Variants in PLPPR5 observed in about 807,000 individuals in gnomAD.
PLPPR5 encodes phospholipid phosphatase related 5.
PLPPR5 carries 16 observed loss-of-function variants against 33.9 expected under a neutral mutation model. The observed-to-expected ratio is 0.47, with a 90% CI of 0.32 to 0.72. The LOEUF is 0.72. Ranked by LOEUF, PLPPR5 falls within the 30% of genes least tolerant of loss-of-function variation. PLPPR5 has a pLI of 0.03. For synonymous variants in PLPPR5, 163 were observed against 150.3 expected (o/e 1.08, Z -0.62); for missense variants, 301 against 406.7 (o/e 0.74, Z 2.23).
chr1:98,919,891 T>C (rs1269210314), intron 4 of PLPPR5, among the ~76,000 whole-genome samples: 2 of 152,202 alleles, frequency 1.3e-5, no homozygotes, highest in African/African-American at 2.4e-5. Context: ...TATAGAGCCT[T>C]ATAATGATCC....
chr1:98,947,819 A>C (rs1650612884), intron 3 of PLPPR5, among the ~76,000 whole-genome samples: 1 of 152,226 alleles, frequency 6.6e-6, no homozygotes, highest in Non-Finnish European at 1.5e-5. Flanking sequence ...CAGTTGTCAT[A>C]ATAATAGTAT....
chr1:98,933,959 G>A (rs1172657753), intron 3 of PLPPR5, among the ~76,000 whole-genome samples: 1 of 152,186 alleles, frequency 6.6e-6, no homozygotes, highest in Non-Finnish European at 1.5e-5. Flanking sequence ...AAGGAGAGGG[G>A]GTAGTGTCCT....
intron 3 of PLPPR5, among the ~76,000 whole-genome samples, chr1:98,945,748 T>C (rs1570721722): frequency 6.6e-6 from 1 of 152,198 alleles, no homozygotes; most frequent in Non-Finnish European, 1.5e-5. Flanking sequence ...CAGTAAATGG[T>C]AACTGGGACA....
chr1:98,990,973 AG>A (rs1239133680), intron 1 of PLPPR5: 1 of 152,206 alleles, frequency 6.6e-6, no homozygotes, highest in Admixed American at 6.6e-5. Context: ...AAAATACGCA[AG>A]ACAAATATGC....
At chr1:98,951,052 G>T (rs370655030) in intron 3 of PLPPR5, among the ~76,000 whole-genome samples, 2 of 152,140 alleles carry the variant, frequency 1.3e-5, no homozygotes, top group South Asian at 2.1e-4. Context: ...GAATATTTGG[G>T]GTCAGAGAGC....
chr1:98,939,230 TAAATC>T (rs943936097), intron 3 of PLPPR5, among the ~76,000 whole-genome samples: 12 of 151,974 alleles, frequency 7.9e-5, no homozygotes, highest in African/African-American at 2.9e-4. Flanking sequence ...AAATAAAAAA[TAAATC>T]AATAAAATAA....
At chr1:99,002,583 T>C (rs1448496707) in intron 1 of PLPPR5, among the ~76,000 whole-genome samples, 2 of 152,168 alleles carry the variant, frequency 1.3e-5, no homozygotes, top group African/African-American at 2.4e-5. Flanking sequence ...GACTATTCGG[T>C]ACCCAAAATA....
chr1:98,984,793 T>C (rs1652195282), intron 1 of PLPPR5, among the ~76,000 whole-genome samples: 1 of 151,984 alleles, frequency 6.6e-6, no homozygotes, highest in Admixed American at 6.6e-5. Flanking sequence ...TTTCCTTCTT[T>C]TTCAGAGGTA....
intron 1 of PLPPR5, among the ~76,000 whole-genome samples, chr1:98,974,190 A>G (rs1316984601): frequency 1.3e-5 from 2 of 152,030 alleles, no homozygotes; most frequent in African/African-American, 2.4e-5. Context: ...GCAAGTAGAG[A>G]AGAAAATTAT....
intron 3 of PLPPR5, among the ~76,000 whole-genome samples, chr1:98,948,841 A>G (rs1293477212): frequency 6.6e-6 from 1 of 152,190 alleles, no homozygotes; most frequent in Admixed American, 6.5e-5. Context: ...AGTCAACCCT[A>G]CGTATCCTGA....
chr1:98,926,586 A>G (rs1300643435), intron 3 of PLPPR5, among the ~76,000 whole-genome samples: 1 of 151,842 alleles, frequency 6.6e-6, no homozygotes, highest in African/African-American at 2.4e-5. Flanking sequence ...ATGCCTTATC[A>G]AGTTCCCCTT....
At chr1:98,902,834 A>G (rs1182490271) in intron 5 of PLPPR5, among the ~76,000 whole-genome samples, 5 of 152,172 alleles carry the variant, frequency 3.3e-5, no homozygotes, top group Non-Finnish European at 7.4e-5. Context: ...CATCAATTCT[A>G]TATTTATTCA....
At chr1:98,977,438 C>T (rs1224190365) in intron 1 of PLPPR5, among the ~76,000 whole-genome samples, 1 of 150,858 alleles carries the variant, frequency 6.6e-6, no homozygotes, top group Non-Finnish European at 1.5e-5. Flanking sequence ...ATCTTCCTGC[C>T]CCAAAGCAAT....
Position 98,891,517 on chromosome 1 carries a change from C to T in PLPPR5, c.*1555G>A, listed in dbSNP as rs1387210518. The T allele has an allele frequency of 6.6e-6, 1 of 151,864 alleles. No homozygotes were observed. The highest frequency in any genetic ancestry group is 1.5e-5 in the Non-Finnish European group (1 of 67,960). The allele number at this position is 151,864 out of a possible 1,614,324, so 9.4% of individuals were successfully genotyped here. ...GGAGCTCACCTTCCTTATATTATGGCGATTGTAATCTGGAATTCTACATGC... is the reference window on the plus strand; with the variant it reads ...GGAGCTCACCTTCCTTATATTATGGTGATTGTAATCTGGAATTCTACATGC... On this transcript the variant is annotated 3_prime_UTR_variant, in exon 6 of 6. Transcript: ENST00000263177.
At chr1:98,923,478 C>T (rs372430626) in intron 3 of PLPPR5, among the ~76,000 whole-genome samples, 1 of 152,078 alleles carries the variant, frequency 6.6e-6, no homozygotes, top group South Asian at 2.1e-4. Context: ...TTAGTTCATA[C>T]CTGCCATTTT....
At chr1:98,961,521 A>G (rs1169356140) in intron 1 of PLPPR5, among the ~76,000 whole-genome samples, 1 of 152,234 alleles carries the variant, frequency 6.6e-6, no homozygotes, top group Non-Finnish European at 1.5e-5. Flanking sequence ...CATTAACAAT[A>G]GCAATGTCGC....
rs76205314 is a variant in PLPPR5, at chr1:98,992,580, G to A, written c.237+11855C>T. On this transcript the variant is annotated intron_variant, in intron 1 of 5. Transcript: ENST00000263177. ...TATCCACTTGTAGCAAGTTTCAAAT[G>A]TAGTGTTACTTTTTGTCTGAAAAGA... Among the ~76,000 whole-genome samples the A allele has an allele frequency of 3.0e-4, 45 of 152,218 alleles. No individual in the cohort carries two copies. In the East Asian group the frequency reaches 8.7e-3, roughly 29 times the overall value.
intron 5 of PLPPR5, among the ~76,000 whole-genome samples, chr1:98,898,413 G>T (rs573891288): frequency 6.6e-6 from 1 of 152,086 alleles, no homozygotes; most frequent in East Asian, 1.9e-4. Flanking sequence ...TTTATTTTGC[G>T]ATTTGCTTCT....
chr1:98,953,659 G>A (rs150110647), intron 2 of PLPPR5, among the ~76,000 whole-genome samples: 1 of 152,220 alleles, frequency 6.6e-6, no homozygotes, highest in Admixed American at 6.5e-5. Context: ...AGAGGGTATA[G>A]TCTATCATGC....
Sources: allele counts gnomAD v4.1 joint callset (sites outside exome capture counted in the v4.1 genomes callset), GRCh38; gene constraint gnomAD v4.1.1; transcripts MANE v1.5; gene names NCBI Gene and HGNC (gene_info 2026-07-23, HGNC 2026-07-21).